The following THRA variants were observed in gnomAD, a reference collection of about 807,000 sequenced individuals.
The protein encoded by THRA is EAR-7.
A neutral mutation model predicts 45.0 loss-of-function variants in THRA; 13 were observed. That is an observed-to-expected ratio of 0.29 (90% CI 0.19 to 0.46). THRA has a LOEUF of 0.46. THRA is among the 20% of genes least tolerant of loss of function. The pLI is 1.00. For missense variants in THRA, 278 were observed against 556.1 expected (o/e 0.50, Z 5.03); for synonymous variants, 195 against 214.0 (o/e 0.91, Z 0.78).
In THRA at chr17:40,092,793, T is replaced by C; in HGVS notation, c.*3337T>C. On this transcript the variant is annotated 3_prime_UTR_variant, in exon 9 of 9. Coordinates refer to ENST00000450525, the MANE Select transcript of THRA (RefSeq NM_199334.5). Reference sequence around the variant, plus strand: ...ACGAGCACACACCACAGAAGCCAGCTCAGCTGTGAACTATTGGATTTGAGA... The same window carrying C: ...ACGAGCACACACCACAGAAGCCAGCCCAGCTGTGAACTATTGGATTTGAGA... 6.1e-6 allele frequency: 3 copies of C among 491,694 alleles called. No individual in the cohort carries two copies. Among genetic ancestry groups the C allele is most frequent in the Non-Finnish European group, 6.5e-6 (2 of 307,628 alleles). The allele number at this position is 491,694 out of a possible 1,614,324, so 30.5% of individuals were successfully genotyped here. A position where few individuals can be genotyped will look rare whatever the true frequency, so the allele number is the denominator to read the frequency against.
At chr17:40,078,129 C>T (rs1276008056) in intron 4 of THRA, among the ~76,000 whole-genome samples, 1 of 152,204 alleles carries the variant, frequency 6.6e-6, no homozygotes, top group East Asian at 1.9e-4. Context: ...ATTCTCTCTA[C>T]CTTATAGCAT....
rs1225128358 is a variant in THRA, at chr17:40,068,731, A to ACCT, written c.-297-5447_-297-5445dup. On this transcript the variant is annotated intron_variant, in intron 1 of 8. Coordinates refer to ENST00000450525, the MANE Select transcript of THRA (RefSeq NM_199334.5). ...AATGATTGGACCAAGCCCCTGGCCC[A>ACCT]CCTCCTCCTCCTCCTCTTTTCCTCT... Among the ~76,000 whole-genome samples, 14 of 151,754 alleles carry ACCT rather than the reference A, an allele frequency of 9.2e-5. 1 individual carries two copies. In the East Asian group the frequency reaches 1.8e-3, roughly 19 times the overall value.
intron 6 of THRA, 122 bp from the exon 7 acceptor site, chr17:40,086,585 A>G (rs1342123210): frequency 5.6e-6 from 7 of 1,245,398 alleles, no homozygotes; most frequent in South Asian, 3.0e-5. Flanking sequence ...TGGGCCTGGG[A>G]CTCAGGCACG....
At chr17:40,063,725 G>C (rs1986450880) in intron 1 of THRA, among the ~76,000 whole-genome samples, 1 of 152,146 alleles carries the variant, frequency 6.6e-6, no homozygotes, top group Non-Finnish European at 1.5e-5. Context: ...GTGGTGCCTA[G>C]ATGATTAGGA....
chr17:40,083,930 G>C lies in THRA; in HGVS notation c.318G>C (p.Gln106His). The C allele has an allele frequency of 6.2e-7, 1 of 1,613,960 alleles. No individual in the cohort carries two copies. Among genetic ancestry groups the C allele is most frequent in the African/African-American group, 1.3e-5 (1 of 75,044 alleles). The change falls in exon 5 of 9, where the codon CAG (glutamine) becomes CAC (histidine). Residue 106 changes from glutamine to histidine, a missense_variant. Transcript: ENST00000450525. The part of the protein sequence containing the change: ...CCVIDKITRN[Q>H]CQLCRFKKCI... ...TCATTGACAAGATCACCCGCAATCA[G>C]TGCCAGCTGTGCCGCTTCAAGAAGT...
At chr17:40,068,204 G>T (rs1486198662) in intron 1 of THRA, among the ~76,000 whole-genome samples, 2 of 152,206 alleles carry the variant, frequency 1.3e-5, no homozygotes. Context: ...TTCACTAGTC[G>T]TATGACTTTG....
chr17:40,089,545 C>T lies in THRA; in HGVS notation c.*89C>T. Reference sequence around the variant, plus strand: ...CTGGGGGCTGAGGGAGACCCCCCCACACCCCTTCTCTCCTTCCTCTCGTCC... The same window carrying T: ...CTGGGGGCTGAGGGAGACCCCCCCATACCCCTTCTCTCCTTCCTCTCGTCC... On this transcript the variant is annotated 3_prime_UTR_variant, in exon 9 of 9. Transcript: ENST00000450525. This position sits in a 1 kb window ranked among gnomAD's most constrained non-coding sequence, Gnocchi z 6.1. 1 of 1,515,138 alleles carries T rather than the reference C, an allele frequency of 6.6e-7. No individual in the cohort carries two copies. Among genetic ancestry groups the T allele is most frequent in the Non-Finnish European group, 8.8e-7 (1 of 1,134,842 alleles). 93.9% of individuals were successfully genotyped at this position (1,515,138 alleles called of 1,614,324 possible).
chr17:40,067,411 C>T (rs966360993), intron 1 of THRA, among the ~76,000 whole-genome samples: 11 of 152,234 alleles, frequency 7.2e-5, no homozygotes, highest in African/African-American at 1.9e-4. Flanking sequence ...CTCCTGGGAG[C>T]CCAGCATTGG....
In THRA at chr17:40,090,918, G is replaced by C. The variant is rs1298691250; in HGVS notation, c.*1462G>C. ...AGGGTGCTCTGTTGGTCTGCACTTG[G>C]GTGAGCTGTCCTCCTCCCCCTCCCT... On this transcript the variant is annotated 3_prime_UTR_variant, in exon 9 of 9. Transcript: ENST00000450525. The C allele has an allele frequency of 6.6e-6, 1 of 152,358 alleles. No individual in the cohort carries two copies. The highest frequency in any genetic ancestry group is 1.5e-5 in the Non-Finnish European group (1 of 68,176). 9.4% of individuals were successfully genotyped at this position (152,358 alleles called of 1,614,324 possible).
intron 6 of THRA, 55 bp downstream of exon 6, chr17:40,084,870 G>A (rs1987268800): frequency 6.3e-7 from 1 of 1,594,636 alleles, no homozygotes; most frequent in Non-Finnish European, 8.6e-7. Flanking sequence ...GGAGAAGAGA[G>A]TGAGCTCGGA....
At chr17:40,068,297 G>A (rs1235316009) in intron 1 of THRA, among the ~76,000 whole-genome samples, 1 of 152,266 alleles carries the variant, frequency 6.6e-6, no homozygotes, top group Non-Finnish European at 1.5e-5. Context: ...GATGACCCCT[G>A]TGTTCAATCC....
chr17:40,082,564 G>A (rs1250478141), intron 4 of THRA, among the ~76,000 whole-genome samples: 4 of 151,548 alleles, frequency 2.6e-5, no homozygotes, highest in Non-Finnish European at 1.5e-5. Flanking sequence ...GTTTCACCAT[G>A]TTGGCCAGGC....
intron 5 of THRA, chr17:40,084,293 C>A: frequency 2.0e-6 from 1 of 496,400 alleles, no homozygotes; most frequent in Non-Finnish European, 3.6e-6. Context: ...GAAGGCACCC[C>A]ACTTCTAGAT....
At chr17:40,085,218 C>T (rs1987280564) in intron 6 of THRA, among the ~76,000 whole-genome samples, 1 of 152,172 alleles carries the variant, frequency 6.6e-6, no homozygotes, top group African/African-American at 2.4e-5. Flanking sequence ...AGTTTGGGAC[C>T]AGGTGCAGTG....
At chr17:40,070,967 A>G (rs1276370614) in intron 1 of THRA, among the ~76,000 whole-genome samples, 1 of 129,374 alleles carries the variant, frequency 7.7e-6, no homozygotes, top group East Asian at 2.2e-4. Flanking sequence ...CCTTCTCCCC[A>G]TCCCCCATCT....
chr17:40,071,280 T>C (rs1986765876), intron 1 of THRA, among the ~76,000 whole-genome samples: 2 of 152,176 alleles, frequency 1.3e-5, no homozygotes, highest in African/African-American at 4.8e-5. Flanking sequence ...TATTGGGGGT[T>C]AGATCCTGGG....
At position 40,086,675 on chromosome 17, in the gene THRA, C is replaced by A. The variant is rs752081818; in HGVS notation, c.577-32C>A. The A allele has an allele frequency of 5.0e-6, 8 of 1,603,800 alleles. 1 individual carries two copies. In the South Asian group the frequency reaches 8.8e-5, roughly 18 times the overall value. ...TCAGTGAGAGGCTGAAAGGGGTCTGCGGCCCCAGCTGACCCCCGTCTTTCT... is the reference window on the plus strand; with the variant it reads ...TCAGTGAGAGGCTGAAAGGGGTCTGAGGCCCCAGCTGACCCCCGTCTTTCT... On this transcript the variant is annotated intron_variant, in intron 6 of 8. Transcript: ENST00000450525.
chr17:40,087,390 C>T (rs1362329242), intron 7 of THRA, among the ~76,000 whole-genome samples: 3 of 150,738 alleles, frequency 2.0e-5, no homozygotes, highest in Admixed American at 2.0e-4. Context: ...CAGACACACA[C>T]ACACAGACAC....
At chr17:40,093,196 G>A (rs773419365), downstream of THRA, 12 of 1,613,698 alleles carry the variant, frequency 7.4e-6, no homozygotes, top group Non-Finnish European at 1.0e-5. This position sits in a 1 kb window ranked among gnomAD's most constrained non-coding sequence, Gnocchi z 5.9. Context: ...TCCAAGGGCC[G>A]GTTCTTCAGC....
Sources: allele counts gnomAD v4.1 joint callset (sites outside exome capture counted in the v4.1 genomes callset), GRCh38; gene constraint gnomAD v4.1.1; non-coding constraint Gnocchi (gnomAD v3.1); transcripts MANE v1.5; gene names NCBI Gene and HGNC (gene_info 2026-07-23, HGNC 2026-07-21).